The following KCNH1 variants were observed in gnomAD, a reference collection of about 807,000 sequenced individuals.
KCNH1 encodes the protein voltage-gated delayed rectifier potassium channel KCNH1.
A neutral mutation model predicts 69.2 loss-of-function variants in KCNH1; 27 were observed. That is an observed-to-expected ratio of 0.39 (90% confidence interval 0.29 to 0.54). The LOEUF is 0.54. Ranked by LOEUF, KCNH1 falls within the 20% of genes least tolerant of loss-of-function variation. The probability of loss-of-function intolerance (pLI) is 0.68; values close to 1 mark genes in which losing one functional copy is unlikely to be tolerated. For missense variants in KCNH1, 798 were observed against 1,261.6 expected (o/e 0.63, Z 5.57); for synonymous variants, 456 against 487.7 (o/e 0.93, Z 0.86).
chr1:211,035,645 A>G (rs1558577106), intron 5 of KCNH1, among the ~76,000 whole-genome samples: 1 of 152,160 alleles, frequency 6.6e-6, no homozygotes, highest in Non-Finnish European at 1.5e-5. Context: ...TCAAGTTTTT[A>G]CCATCTGACC....
intron 1 of KCNH1, among the ~76,000 whole-genome samples, chr1:211,126,298 C>G (rs1450154992): frequency 6.6e-6 from 1 of 152,164 alleles, no homozygotes; most frequent in African/African-American, 2.4e-5. Flanking sequence ...ATCACAAGAT[C>G]AGGAGATCAA....
chr1:210,873,977 G>C (rs913039550), intron 7 of KCNH1, among the ~76,000 whole-genome samples: 1 of 152,146 alleles, frequency 6.6e-6, no homozygotes, highest in Admixed American at 6.5e-5. Context: ...GTCTAACTTA[G>C]TTTTGATAGT....
intron 7 of KCNH1, among the ~76,000 whole-genome samples, chr1:210,882,290 C>A (rs548407159): frequency 1.3e-5 from 2 of 152,158 alleles, no homozygotes; most frequent in Admixed American, 1.3e-4. Context: ...GTACAGACAC[C>A]AAGCAGGTAA....
chr1:211,003,457 A>AG (rs1451665727), intron 6 of KCNH1, among the ~76,000 whole-genome samples: 2 of 152,162 alleles, frequency 1.3e-5, no homozygotes, highest in Non-Finnish European at 2.9e-5. Flanking sequence ...CTTTCATGTT[A>AG]GGGGTGATAA....
chr1:210,865,386 C>A (rs892723220), intron 7 of KCNH1, among the ~76,000 whole-genome samples: 5 of 152,176 alleles, frequency 3.3e-5, no homozygotes, highest in Non-Finnish European at 5.9e-5. Flanking sequence ...AGTTTTTAAG[C>A]ACCAAAGCAG....
intron 10 of KCNH1, among the ~76,000 whole-genome samples, chr1:210,769,921 A>G (rs1201144294): frequency 6.6e-6 from 1 of 152,210 alleles, no homozygotes; most frequent in African/African-American, 2.4e-5. Context: ...GGAGAAAGGG[A>G]AAAATATGTA....
intron 7 of KCNH1, among the ~76,000 whole-genome samples, chr1:210,852,448 C>A (rs1294287454): frequency 6.6e-6 from 1 of 152,216 alleles, no homozygotes; most frequent in Non-Finnish European, 1.5e-5. Flanking sequence ...CAAAGGTTTT[C>A]TTTGACCAGG....
intron 10 of KCNH1, among the ~76,000 whole-genome samples, chr1:210,731,586 G>A (rs908951171): frequency 6.6e-6 from 1 of 152,090 alleles, no homozygotes; most frequent in Admixed American, 6.6e-5. Flanking sequence ...AGTTACTGGG[G>A]AAATTTTATG....
chr1:210,981,358 A>G (rs1157636302), intron 6 of KCNH1, among the ~76,000 whole-genome samples: 1 of 131,576 alleles, frequency 7.6e-6, no homozygotes, highest in Admixed American at 8.6e-5. Context: ...ATGAGTCATT[A>G]GAAGTAACAA....
At chr1:210,794,704 C>T (rs965603191) in intron 9 of KCNH1, among the ~76,000 whole-genome samples, 1 of 152,062 alleles carries the variant, frequency 6.6e-6, no homozygotes, top group Admixed American at 6.6e-5. Context: ...TGAAGGGATG[C>T]CCTGAGCATG....
At chr1:210,931,167 T>C (rs1185498561) in intron 6 of KCNH1, among the ~76,000 whole-genome samples, 1 of 152,206 alleles carries the variant, frequency 6.6e-6, no homozygotes, top group Non-Finnish European at 1.5e-5. Flanking sequence ...CTACTAGGTA[T>C]CTACCCAGAG....
intron 5 of KCNH1, among the ~76,000 whole-genome samples, chr1:211,025,273 T>C (rs1437669922): frequency 6.6e-6 from 1 of 152,170 alleles, no homozygotes; most frequent in African/African-American, 2.4e-5. Context: ...GACCCTTTAG[T>C]AGAGGTAAGA....
intron 6 of KCNH1, among the ~76,000 whole-genome samples, chr1:210,937,160 C>T (rs2102583359): frequency 6.6e-6 from 1 of 152,282 alleles, no homozygotes; most frequent in East Asian, 1.9e-4. Context: ...TTTCTCATTT[C>T]CCACTCATTT....
rs1490380609 is a variant in KCNH1 at position 210,739,038 on chromosome 1, C to T, written c.2112+36310G>A. Among the ~76,000 whole-genome samples the T allele has an allele frequency of 4.6e-5, 7 of 152,144 alleles. No homozygotes were observed. The East Asian group carries it at 1.3e-3, about 29-fold the overall frequency. On this transcript the variant is annotated intron_variant, in intron 10 of 10. Transcript: ENST00000271751. ...GTTTCACTCCCAATTCCTATACTAT[C>T]CTGTGCTCAATAAAAGTATTACATG...
intron 1 of KCNH1, among the ~76,000 whole-genome samples, chr1:211,122,763 G>A (rs1236675751): frequency 6.6e-6 from 1 of 152,162 alleles, no homozygotes; most frequent in Non-Finnish European, 1.5e-5. Context: ...ACTCATAAGT[G>A]GGAGTTGAAC....
At chr1:210,923,259 C>G (rs146593418) in intron 6 of KCNH1, among the ~76,000 whole-genome samples, 2 of 152,296 alleles carry the variant, frequency 1.3e-5, no homozygotes, top group African/African-American at 4.8e-5. Flanking sequence ...TTCACCTAGG[C>G]CAATTCCTCT....
At chr1:210,779,272 G>A (rs1459738823) in intron 9 of KCNH1, among the ~76,000 whole-genome samples, 1 of 152,128 alleles carries the variant, frequency 6.6e-6, no homozygotes, top group Non-Finnish European at 1.5e-5. Flanking sequence ...TCCTGTCAAG[G>A]CAGTAGTTTT....
intron 1 of KCNH1, among the ~76,000 whole-genome samples, chr1:211,125,632 T>A (rs1691763515): frequency 6.6e-6 from 1 of 152,226 alleles, no homozygotes; most frequent in African/African-American, 2.4e-5. Context: ...AACTTTCAAA[T>A]GCTGACTCCA....
At chr1:210,999,175 GA>G (rs1454965272) in intron 6 of KCNH1, among the ~76,000 whole-genome samples, 1 of 152,120 alleles carries the variant, frequency 6.6e-6, no homozygotes, top group Non-Finnish European at 1.5e-5. Flanking sequence ...GAGCAGAACT[GA>G]AGGAAATAGA....
Sources: allele counts gnomAD v4.1 joint callset (sites outside exome capture counted in the v4.1 genomes callset), GRCh38; gene constraint gnomAD v4.1.1; transcripts MANE v1.5; gene names NCBI Gene and HGNC (gene_info 2026-07-23, HGNC 2026-07-21).